The following DDX41 variants were observed in gnomAD, a reference collection of about 807,000 sequenced individuals.
DDX41 encodes the protein probable ATP-dependent RNA helicase DDX41.
A neutral mutation model predicts 78.8 loss-of-function variants in DDX41; 50 were observed. The ratio of observed to expected loss-of-function variants is 0.63; its 90% CI spans 0.51 to 0.80. DDX41 has a LOEUF of 0.80. DDX41 is among the 30% of genes least tolerant of loss of function. The pLI is 0.00. For synonymous variants in DDX41, 381 were observed against 321.5 expected (o/e 1.19, Z -1.98); for missense variants, 633 against 849.2 (o/e 0.75, Z 3.16).
At chr5:177,515,513 A>G (rs924772840) in intron 6 of DDX41, 172 bp downstream of exon 6, 41 of 938,568 alleles carry the variant, frequency 4.4e-5, no homozygotes, top group Non-Finnish European at 6.4e-5. Flanking sequence ...GCAGAGAACA[A>G]TGAACACGTA....
Position 177,513,546 on chromosome 5 carries a change from G to C in DDX41, c.1099-62C>G. ...GGCTGGGCTGAGGGGCATGGGGTCTGGGGAAGCTGAGCAACTGAGACACAG... is the reference window on the plus strand; with the variant it reads ...GGCTGGGCTGAGGGGCATGGGGTCTCGGGAAGCTGAGCAACTGAGACACAG... On this transcript the variant is annotated intron_variant, in intron 10 of 16. Transcript: ENST00000330503. This position sits in a 1 kb window ranked among gnomAD's most constrained non-coding sequence, Gnocchi z 4.6. 6.2e-7 allele frequency: 1 copy of C among 1,612,144 alleles called. No individual in the cohort carries two copies. Among genetic ancestry groups the C allele is most frequent in the East Asian group, 2.2e-5 (1 of 44,872 alleles).
At position 177,514,328 on chromosome 5, in the gene DDX41, C is replaced by G; in HGVS notation, c.935+373G>C. ...GTGCCGCTGGGATCCAGCCCTACCC[C>G]AGTGCCTCAACCTCCTTGACTGACC... On this transcript the variant is annotated intron_variant, in intron 9 of 16. Coordinates refer to ENST00000330503, the MANE Select transcript of DDX41 (RefSeq NM_016222.4). This position sits in a 1 kb window ranked among gnomAD's most constrained non-coding sequence, Gnocchi z 4.2. The G allele has an allele frequency of 2.1e-6, 1 of 476,054 alleles. No homozygotes were observed. Among genetic ancestry groups the G allele is most frequent in the Non-Finnish European group, 4.0e-6 (1 of 246,918 alleles). The allele number at this position is 476,054 out of a possible 1,614,324, so 29.5% of individuals were successfully genotyped here. A position where few individuals can be genotyped will look rare whatever the true frequency, so the allele number is the denominator to read the frequency against.
In DDX41 at chr5:177,512,499, A is replaced by C; in HGVS notation, c.1546T>G (p.Tyr516Asp). ...CCCTTGGGCCCCAGGCTCTTACCAT[A>C]GTTCTCAATCTCCTCTGGCATGTCA... ...NYDMPEEIEN[Y>D]VHRIGRTGRS... The change falls in exon 14 of 17, where the codon TAT becomes GAT. Residue 516 changes from tyrosine to aspartate, a missense_variant. Physicochemically the swap from Tyr to Asp is radical, Grantham distance 160. Around this residue, in one of 6 missense-constraint regions of DDX41, gnomAD observed 185 missense variants for 367.4 expected, o/e 0.50. Transcript: ENST00000330503. 1 of 1,614,080 alleles carries C rather than the reference A, an allele frequency of 6.2e-7. No homozygotes were observed. The highest frequency in any genetic ancestry group is 8.5e-7 in the Non-Finnish European group (1 of 1,180,004).
intron 6 of DDX41, 165 bp downstream of exon 6, chr5:177,515,520 C>G (rs573933493): frequency 3.1e-6 from 3 of 956,142 alleles, no homozygotes; most frequent in Non-Finnish European, 4.8e-6. Context: ...ACAATGAACA[C>G]GTACAGCTGA....
In DDX41 at chr5:177,513,003, GCACTC is replaced by G. The variant is rs1761048692; in HGVS notation, c.1302+3_1302+7del. 3 of 1,613,592 alleles carry G rather than the reference GCACTC, an allele frequency of 1.9e-6. No individual in the cohort carries two copies. On this transcript the variant is annotated splice_donor_5th_base_variant and intron_variant, in intron 12 of 16. Coordinates refer to ENST00000330503, the MANE Select transcript of DDX41 (RefSeq NM_016222.4). The surrounding 1 kb of genome is among the most constrained non-coding windows in gnomAD (Gnocchi z 4.6). ...ACTCTGGCCCCGGCCTGGCCTGGCT[GCACTC>G]ACAGGCGGGGGTGTCTTCTGCAGGC...
At position 177,516,376 on chromosome 5, in the gene DDX41, G is replaced by A. The variant is rs1223715698; in HGVS notation, c.210C>T (p.Pro70=). 3.1e-6 allele frequency: 5 copies of A among 1,613,854 alleles called. No individual in the cohort carries two copies. In the African/African-American group the frequency reaches 6.7e-5, roughly 22 times the overall value. The change falls in exon 3 of 17, where the codon CCC becomes CCT. Residue 70 remains proline, a synonymous_variant. Coordinates refer to ENST00000330503, the MANE Select transcript of DDX41 (RefSeq NM_016222.4). The part of the protein sequence containing the change: ...EEEQQDSGSE[P]RGDEDDIPLG... ...GCGGGATGTCGTCCTCATCTCCCCG[G>A]GGTTCACTACCGCTGTCCTGCTGCT...
In DDX41 at chr5:177,516,122, G is replaced by A. The variant is rs1297703150; in HGVS notation, c.370C>T (p.Arg124Ter). The A allele has an allele frequency of 1.9e-6, 3 of 1,613,970 alleles. No homozygotes were observed. Among genetic ancestry groups the A allele is most frequent in the Non-Finnish European group, 2.5e-6 (3 of 1,180,026 alleles). The part of the protein sequence containing the change: ...EKILESVAEG[R>*]ALMSVKEMAK... ...ACTATCCTGGCTACAACCATACCTC[G>A]GCCCTCGGCAACACTCTCCAGGATC... is the stretch of plus-strand genomic sequence containing the variant. The change falls in exon 4 of 17, where the codon CGA becomes TGA. Residue 124 changes from arginine to a stop codon, truncating the protein, a stop_gained. Coordinates refer to ENST00000330503, the MANE Select transcript of DDX41 (RefSeq NM_016222.4). LOFTEE classifies it high-confidence loss of function.
In DDX41 at chr5:177,512,147, G is replaced by C. The variant is rs1167201781; in HGVS notation, c.1681C>G (p.Pro561Ala). ...CCGCAATGCAGCACCTGCAGCACGG[G>C]CGGCACCTTCTGCTTGGCTTCTAGC... ...LLLEAKQKVP[P>A]VLQVLHCGDE... Residue 561 changes from proline (P) to alanine (A), a missense_variant, in exon 16 of 17, where the codon CCC (proline) becomes GCC (alanine). Pro to Ala is a conservative substitution (Grantham distance 27, BLOSUM62 -1). Transcript: ENST00000330503. 6.2e-7 allele frequency: 1 copy of C among 1,613,482 alleles called. No individual in the cohort carries two copies. The highest frequency in any genetic ancestry group is 2.2e-5 in the East Asian group (1 of 44,878).
intron 15 of DDX41, 34 bp from the exon 16 acceptor site, chr5:177,512,240 C>T: frequency 1.2e-6 from 2 of 1,613,646 alleles, no homozygotes; most frequent in Non-Finnish European, 1.7e-6. Flanking sequence ...CAGGGCCCAT[C>T]CTGGGCTCTG....
Position 177,516,354 on chromosome 5 carries a change from G to C in DDX41, c.232C>G (p.Pro78Ala), listed in dbSNP as rs1164510310. The C allele has an allele frequency of 6.2e-6, 10 of 1,613,990 alleles. No individual in the cohort carries two copies. Among genetic ancestry groups the C allele is most frequent in the Non-Finnish European group, 7.6e-6 (9 of 1,180,046 alleles). ...SEPRGDEDDI[P>A]LGPQSNVSLL... ...CTGACGTTGGACTGAGGGCCTAGCG[G>C]GATGTCGTCCTCATCTCCCCGGGGT... Residue 78 changes from proline to alanine, a missense_variant, in exon 3 of 17, where the codon CCG becomes GCG. By Grantham distance (27) the Pro-to-Ala change is conservative (BLOSUM62 -1). This residue lies in a region of DDX41 where 140 missense variants were observed against 115.2 expected (regional missense o/e 1.22). Coordinates refer to ENST00000330503, the MANE Select transcript of DDX41 (RefSeq NM_016222.4).
Position 177,512,876 on chromosome 5 carries a change from C to A in DDX41, c.1303G>T (p.Val435Leu). The stretch of plus-strand genomic sequence containing the variant: ...GCCTTCTTCTCTGCAAAGATGAGTA[C>A]CTGTCCGGAAAGACCAACTCCAGTC... Reference protein sequence around the residue: ...LECLQKTPPPVLIFAEKKADV... With the variant: ...LECLQKTPPPLLIFAEKKADV... The change falls in exon 13 of 17, where the codon GTA becomes TTA. Residue 435 changes from valine (V) to leucine (L), a missense_variant and splice_region_variant. Coordinates refer to ENST00000330503, the MANE Select transcript of DDX41 (RefSeq NM_016222.4). The A allele has an allele frequency of 6.2e-7, 1 of 1,613,844 alleles. No homozygotes were observed. Among genetic ancestry groups the A allele is most frequent in the South Asian group, 1.1e-5 (1 of 91,064 alleles).
rs1332922352 is a variant in DDX41, at chr5:177,516,901, G to A, written c.27+18C>T. ...TCACGCCCGCTCCCACACGCGCGGG[G>A]TCTCGCCTCTCTCCTACCTTCCGTT... On this transcript the variant is annotated intron_variant, in intron 1 of 16. Coordinates refer to ENST00000330503, the MANE Select transcript of DDX41 (RefSeq NM_016222.4). 1.2e-6 allele frequency: 2 copies of A among 1,613,328 alleles called. No individual in the cohort carries two copies. The highest frequency in any genetic ancestry group is 2.2e-5 in the South Asian group (2 of 91,084).
intron 6 of DDX41, 97 bp from the exon 7 acceptor site, chr5:177,515,355 G>A (rs1290549339): frequency 8.4e-7 from 1 of 1,186,862 alleles, no homozygotes; most frequent in South Asian, 1.2e-5. Flanking sequence ...AGTTGCAGAT[G>A]ATGAAACTGA....
chr5:177,516,894 G>A (rs1761265225), intron 1 of DDX41, 25 bp downstream of exon 1: 4 of 1,613,142 alleles, frequency 2.5e-6, no homozygotes, highest in Non-Finnish European at 2.5e-6. Flanking sequence ...GCTCCCACAC[G>A]CGCGGGGTCT....
rs181004515 is a variant in DDX41, at chr5:177,514,928, G to C, written c.786C>G (p.Ile262Met). Reference protein sequence around the residue: ...FSKREGPYGLIICPSRELARQ... With the variant: ...FSKREGPYGLMICPSRELARQ... ...CAGCCTATCTTACCGAGGGGCAGAT[G>C]ATGAGTCCATAGGGCCCCTCGCGCT... is the stretch of plus-strand genomic sequence containing the variant. Residue 262 changes from isoleucine (I) to methionine (M), a missense_variant, in exon 8 of 17, where the codon ATC (isoleucine) becomes ATG (methionine). This residue lies in a region of DDX41 where 151 missense variants were observed against 169.2 expected (regional missense o/e 0.89). Coordinates refer to ENST00000330503, the MANE Select transcript of DDX41 (RefSeq NM_016222.4). This position sits in a 1 kb window ranked among gnomAD's most constrained non-coding sequence, Gnocchi z 4.2. The C allele has an allele frequency of 1.2e-6, 2 of 1,606,536 alleles. No individual in the cohort carries two copies. The highest frequency in any genetic ancestry group is 4.5e-5 in the East Asian group (2 of 44,638).
At position 177,516,807 on chromosome 5, in the gene DDX41, C is replaced by T. The variant is rs545124279; in HGVS notation, c.56G>A (p.Gly19Glu). 2.5e-6 allele frequency: 4 copies of T among 1,612,566 alleles called. No individual in the cohort carries two copies. The South Asian group carries it at 4.4e-5, about 18-fold the overall frequency. The change falls in exon 2 of 17, where the codon GGA becomes GAA. Residue 19 changes from glycine (G) to glutamate (E), a missense_variant. Physicochemically the swap from Gly to Glu is moderately conservative, Grantham distance 98 (BLOSUM62 -2). Around this residue, in one of 6 missense-constraint regions of DDX41, gnomAD observed 140 missense variants for 115.2 expected, o/e 1.22. Coordinates refer to ENST00000330503, the MANE Select transcript of DDX41 (RefSeq NM_016222.4). ...ATCTTCCGCCTCGGAGCGGCTTCCT[C>T]CGGCAGGCACCTCGTCGGTGCGAGC... ...KRARTDEVPAGGSRSEAEDED... is the reference protein window; with the variant it reads ...KRARTDEVPAEGSRSEAEDED...
In DDX41 at chr5:177,514,674, T is replaced by TG. The variant is rs746651006; in HGVS notation, c.935+26dup. 2.5e-6 allele frequency: 4 copies of TG among 1,596,264 alleles called. No individual in the cohort carries two copies. In the African/African-American group the frequency reaches 4.0e-5, roughly 16 times the overall value. The stretch of plus-strand genomic sequence containing the variant: ...TCCACAGACTCGCAGGTGGCAGAGG[T>TG]GGGGGGCAGGGAGCGCCAGCACTCA... On this transcript the variant is annotated intron_variant, in intron 9 of 16. Coordinates refer to ENST00000330503, the MANE Select transcript of DDX41 (RefSeq NM_016222.4). This position sits in a 1 kb window ranked among gnomAD's most constrained non-coding sequence, Gnocchi z 4.2.
At position 177,515,033 on chromosome 5, in the gene DDX41, C is replaced by T. The variant is rs765996540; in HGVS notation, c.681G>A (p.Thr227=). 4.3e-6 allele frequency: 7 copies of T among 1,613,300 alleles called. No individual in the cohort carries two copies. The highest frequency in any genetic ancestry group is 2.2e-5 in the East Asian group (1 of 44,874). The stretch of plus-strand genomic sequence containing the variant: ...TGAACACCAGTGTCTTGCCTGAACC[C>T]GTGAAAGCGATGCCTATCATGTCAC... ...SGRDMIGIAF[T]GSGKTLVFTL... is the part of the protein sequence containing the mutation. Residue 227 remains threonine (T), a synonymous_variant, in exon 8 of 17, where the codon ACG becomes ACA. Coordinates refer to ENST00000330503, the MANE Select transcript of DDX41 (RefSeq NM_016222.4).
In DDX41 at chr5:177,514,554, C is replaced by T. The variant is rs965817724; in HGVS notation, c.935+147G>A. On this transcript the variant is annotated intron_variant, in intron 9 of 16. Coordinates refer to ENST00000330503, the MANE Select transcript of DDX41 (RefSeq NM_016222.4). This position sits in a 1 kb window ranked among gnomAD's most constrained non-coding sequence, Gnocchi z 4.2. The stretch of plus-strand genomic sequence containing the variant: ...ATCCCTCTGTCCTCCCCCAACTAAC[C>T]TCCCCATTAGACTGGGAGCTCCTTG... The T allele has an allele frequency of 5.8e-5, 68 of 1,173,202 alleles. No homozygotes were observed. The African/African-American group carries it at 8.9e-4, about 15-fold the overall frequency. The allele number at this position is 1,173,202 out of a possible 1,614,324, so 72.7% of individuals were successfully genotyped here.
Sources: allele counts gnomAD v4.1 joint callset, GRCh38; gene constraint gnomAD v4.1.1; regional missense constraint gnomAD v4.1.1; non-coding constraint Gnocchi (gnomAD v3.1); transcripts MANE v1.5; gene names NCBI Gene and HGNC (gene_info 2026-07-23, HGNC 2026-07-21).